Variants in FAM78B observed in about 807,000 individuals in gnomAD.
FAM78B encodes family with sequence similarity 78 member B, also known as protein FAM78B.
Under a neutral mutation model 20.0 loss-of-function variants are expected in FAM78B, and 10 were observed. That is an observed-to-expected ratio of 0.50 (90% CI 0.31 to 0.85). The LOEUF (loss-of-function observed/expected upper bound fraction) is 0.85, where lower values mean the gene tolerates loss of function less well. Ranked by LOEUF, FAM78B falls within the 40% of genes least tolerant of loss-of-function variation. FAM78B has a pLI of 0.05. For missense variants in FAM78B, 283 were observed against 345.0 expected, an observed-to-expected ratio of 0.82 and a Z score of 1.42; for synonymous variants, 135 against 132.8, an observed-to-expected ratio of 1.02 and a Z score of -0.12.
chr1:166,082,990 G>A (rs961155347), intron 1 of FAM78B, among the ~76,000 whole-genome samples: 4 of 152,142 alleles, frequency 2.6e-5, no homozygotes, highest in African/African-American at 9.7e-5. Flanking sequence ...GGGGCATGGG[G>A]GTGCAACACA....
intron 1 of FAM78B, among the ~76,000 whole-genome samples, chr1:166,082,297 C>T (rs1453588348): frequency 6.6e-6 from 1 of 152,214 alleles, no homozygotes; most frequent in Non-Finnish European, 1.5e-5. Context: ...TCCCACTGGA[C>T]TTGCTGGGCC....
chr1:166,137,694 C>G (rs149001975), intron 1 of FAM78B, among the ~76,000 whole-genome samples: 55 of 152,278 alleles, frequency 3.6e-4, no homozygotes, highest in African/African-American at 1.3e-3. Flanking sequence ...ACTTTGAGTT[C>G]TGAGGCCATG....
chr1:166,122,989 G>C (rs1654515557), intron 1 of FAM78B, among the ~76,000 whole-genome samples: 1 of 152,094 alleles, frequency 6.6e-6, no homozygotes, highest in Non-Finnish European at 1.5e-5. Context: ...CACAGCAGAG[G>C]GCAGAGCCTG....
intron 1 of FAM78B, among the ~76,000 whole-genome samples, chr1:166,089,204 T>C (rs896174104): frequency 3.3e-5 from 5 of 152,248 alleles, no homozygotes; most frequent in African/African-American, 1.2e-4. Context: ...GTCTCTGCTA[T>C]AGAACTGCAT....
chr1:166,123,375 C>T (rs1433864838), intron 1 of FAM78B, among the ~76,000 whole-genome samples: 1 of 152,252 alleles, frequency 6.6e-6, no homozygotes, highest in East Asian at 1.9e-4. Flanking sequence ...AACCCCTCTT[C>T]TCCATTCCTA....
At chr1:166,138,583 G>A (rs1002681466) in intron 1 of FAM78B, among the ~76,000 whole-genome samples, 11 of 152,128 alleles carry the variant, frequency 7.2e-5, no homozygotes, top group African/African-American at 2.7e-4. Context: ...AGATTCATGG[G>A]ATTGCTGGGC....
chr1:166,089,540 A>G (rs1395679333), intron 1 of FAM78B, among the ~76,000 whole-genome samples: 1 of 152,106 alleles, frequency 6.6e-6, no homozygotes, highest in East Asian at 1.9e-4. Flanking sequence ...GTCAGGAGGA[A>G]GACCTGAGAG....
intron 1 of FAM78B, among the ~76,000 whole-genome samples, chr1:166,162,282 AAGG>A (rs761103578): frequency 1.3e-4 from 20 of 152,200 alleles, no homozygotes; most frequent in Non-Finnish European, 2.6e-4. Context: ...CTTGATTCTG[AAGG>A]AGGAGTAGAG....
chr1:166,139,716 C>A (rs1655207130), intron 1 of FAM78B, among the ~76,000 whole-genome samples: 1 of 152,194 alleles, frequency 6.6e-6, no homozygotes, highest in Non-Finnish European at 1.5e-5. Context: ...CAGGGCTGGT[C>A]TTAACCAGAC....
intron 1 of FAM78B, among the ~76,000 whole-genome samples, chr1:166,123,417 T>C (rs1189520531): frequency 6.6e-6 from 1 of 152,248 alleles, no homozygotes; most frequent in Admixed American, 6.5e-5. Context: ...CCCTTGCCAC[T>C]TCTCTCCTGG....
chr1:166,092,583 G>A (rs1653120025), intron 1 of FAM78B, among the ~76,000 whole-genome samples: 1 of 152,170 alleles, frequency 6.6e-6, no homozygotes, highest in Non-Finnish European at 1.5e-5. Flanking sequence ...CATGAAGGTT[G>A]CAGACTCTGA....
intron 1 of FAM78B, among the ~76,000 whole-genome samples, chr1:166,092,891 G>T (rs1471468679): frequency 6.6e-6 from 1 of 152,134 alleles, no homozygotes; most frequent in Non-Finnish European, 1.5e-5. Context: ...AACAATGTTG[G>T]TTAGGTGGAT....
At chr1:166,096,911 C>T (rs1467683010) in intron 1 of FAM78B, among the ~76,000 whole-genome samples, 5 of 152,140 alleles carry the variant, frequency 3.3e-5, no homozygotes, top group African/African-American at 9.7e-5. Flanking sequence ...CAGCGGGCGG[C>T]GGCTCACACT....
intron 1 of FAM78B, among the ~76,000 whole-genome samples, chr1:166,128,219 A>ATTCG (rs1220896962): frequency 2.0e-5 from 3 of 151,092 alleles, no homozygotes; most frequent in Non-Finnish European, 4.4e-5. Flanking sequence ...TTATTTATTC[A>ATTCG]TTCATTTTAT....
intron 1 of FAM78B, among the ~76,000 whole-genome samples, chr1:166,090,966 A>AGTT (rs1653041963): frequency 6.6e-6 from 1 of 152,118 alleles, no homozygotes; most frequent in Non-Finnish European, 1.5e-5. Flanking sequence ...TCCATTTTAA[A>AGTT]GTTGGGGTGG....
intron 1 of FAM78B, among the ~76,000 whole-genome samples, chr1:166,142,863 G>A (rs1037871439): frequency 2.0e-5 from 3 of 152,226 alleles, no homozygotes; most frequent in Admixed American, 2.0e-4. Context: ...TTGTGCTCTT[G>A]CCCTGTGTCA....
At chr1:166,064,274 G>C (rs1487354310) in intron 2 of FAM78B, among the ~76,000 whole-genome samples, 3 of 152,150 alleles carry the variant, frequency 2.0e-5, no homozygotes, top group Non-Finnish European at 4.4e-5. Flanking sequence ...CCGTTAAACT[G>C]TGGGGTCCCA....
At chr1:166,103,587 A>C (rs1447818306) in intron 1 of FAM78B, among the ~76,000 whole-genome samples, 1 of 152,246 alleles carries the variant, frequency 6.6e-6, no homozygotes, top group Non-Finnish European at 1.5e-5. Flanking sequence ...CTATGCAAAT[A>C]AACTAGAAAA....
intron 1 of FAM78B, among the ~76,000 whole-genome samples, chr1:166,131,759 T>C (rs545625415): frequency 9.2e-5 from 14 of 152,274 alleles, no homozygotes; most frequent in African/African-American, 3.4e-4. Flanking sequence ...TACTATGTTT[T>C]ATGAAAAAAA....
Sources: allele counts gnomAD v4.1 joint callset (sites outside exome capture counted in the v4.1 genomes callset), GRCh38; gene constraint gnomAD v4.1.1; transcripts MANE v1.5; gene names NCBI Gene and HGNC (gene_info 2026-07-23, HGNC 2026-07-21).